Variants in SPATS1 observed in about 807,000 individuals in gnomAD.
SPATS1 encodes spermatogenesis-associated serine-rich protein 1.
A neutral mutation model predicts 33.6 loss-of-function variants in SPATS1; 23 were observed. The ratio of observed to expected loss-of-function variants is 0.68; its 90% confidence interval spans 0.49 to 0.97. The LOEUF is 0.97. Ranked by LOEUF, SPATS1 falls within the 50% of genes least tolerant of loss-of-function variation. SPATS1 has a pLI of 0.00. For missense variants in SPATS1, 327 were observed against 361.0 expected (o/e 0.91, Z 0.76); for synonymous variants, 131 against 125.6 (o/e 1.04, Z -0.29).
At chr6:44,343,012 GT>G in intron 1 of SPATS1, 83 bp from the exon 2 acceptor site, 1 of 1,558,086 alleles carries the variant, frequency 6.4e-7, no homozygotes. Flanking sequence ...TGTGGAATTT[GT>G]TTGTTTTGAC....
Position 44,361,945 on chromosome 6 carries a change from C to G in SPATS1, c.527C>G (p.Ser176Cys). The change falls in exon 5 of 9, where the codon TCT becomes TGT. Residue 176 changes from serine to cysteine, a missense_variant. Transcript: ENST00000674044. ...FNGVFLGNKRSLSERTVDKCF... is the reference protein window; with the variant it reads ...FNGVFLGNKRCLSERTVDKCF... ...GGAGTCTTCCTCGGCAACAAGAGGT[C>G]TCTATCAGAGAGGACGGTGGACAAG... 2 of 1,614,202 alleles carry G rather than the reference C, an allele frequency of 1.2e-6. No individual in the cohort carries two copies. The highest frequency in any genetic ancestry group is 1.7e-6 in the Non-Finnish European group (2 of 1,180,040).
chr6:44,379,373 G>A lies in SPATS1; in HGVS notation c.*2310G>A, dbSNP rs1790100000. Among the ~76,000 whole-genome samples the A allele has an allele frequency of 1.3e-5, 2 of 151,920 alleles. No individual in the cohort carries two copies. The highest frequency in any genetic ancestry group is 2.4e-5 in the African/African-American group (1 of 41,370). Reference sequence around the variant, plus strand: ...TGGGAGGCCGAGGCAGGCGGATCACGAGGTCAGGAGATCGAGACCATCCTG... The same window carrying A: ...TGGGAGGCCGAGGCAGGCGGATCACAAGGTCAGGAGATCGAGACCATCCTG... On this transcript the variant is annotated 3_prime_UTR_variant, in exon 9 of 9. Transcript: ENST00000674044.
At chr6:44,343,260 T>C in intron 2 of SPATS1, 26 bp downstream of exon 2, 2 of 1,601,092 alleles carry the variant, frequency 1.2e-6, no homozygotes, top group Non-Finnish European at 1.7e-6. Context: ...ATCCAGGCTG[T>C]GGAGTTGGTG....
At chr6:44,375,635 C>G (rs978856307) in intron 7 of SPATS1, among the ~76,000 whole-genome samples, 1 of 152,024 alleles carries the variant, frequency 6.6e-6, no homozygotes, top group Admixed American at 6.5e-5. Context: ...CATGGTAAAG[C>G]CCCATCTCTA....
At position 44,368,484 on chromosome 6, in the gene SPATS1, C is replaced by T; in HGVS notation, c.680C>T (p.Pro227Leu). The change falls in exon 6 of 9, where the codon CCA becomes CTA. Residue 227 changes from proline to leucine, a missense_variant. Transcript: ENST00000674044. ...CACAAAGCAGGATCAATGCTCCCAC[C>T]AGTGAATTTTTCAATGTAAGTGTAT... ...GFHKAGSMLPPVNFSIVPYEK... is the reference protein window; with the variant it reads ...GFHKAGSMLPLVNFSIVPYEK... 2 of 1,611,188 alleles carry T rather than the reference C, an allele frequency of 1.2e-6. No homozygotes were observed. Among genetic ancestry groups the T allele is most frequent in the South Asian group, 1.1e-5 (1 of 90,576 alleles).
chr6:44,361,793 G>A, intron 4 of SPATS1, 38 bp from the exon 5 acceptor site: 1 of 1,613,520 alleles, frequency 6.2e-7, no homozygotes, highest in Non-Finnish European at 8.5e-7. Flanking sequence ...TATGAGGCTG[G>A]GAACAGTGCT....
intron 3 of SPATS1, among the ~76,000 whole-genome samples, chr6:44,354,045 A>AAC (rs895296938): frequency 1.6e-4 from 24 of 150,206 alleles, no homozygotes; most frequent in South Asian, 4.2e-4. Flanking sequence ...CTCAAAAAAA[A>AAC]AAAAAAAACA....
At chr6:44,366,291 A>C (rs1373209564) in intron 5 of SPATS1, among the ~76,000 whole-genome samples, 3 of 151,654 alleles carry the variant, frequency 2.0e-5, no homozygotes, top group Non-Finnish European at 2.9e-5. Context: ...TGCCCAGCTA[A>C]TTTTGTATTT....
chr6:44,343,002 T>C, intron 1 of SPATS1, 94 bp from the exon 2 acceptor site: 1 of 1,502,338 alleles, frequency 6.7e-7, no homozygotes, highest in Non-Finnish European at 9.1e-7. Flanking sequence ...TTCGGTGGCT[T>C]GTGGAATTTG....
chr6:44,351,589 G>A lies in SPATS1; in HGVS notation c.140-1137G>A, dbSNP rs7745462. Among the ~76,000 whole-genome samples, 91 of 152,130 alleles carry A rather than the reference G, an allele frequency of 6.0e-4. 1 individual carries two copies. The highest frequency in any genetic ancestry group is 2.1e-3 in the African/African-American group (86 of 41,494). On this transcript the variant is annotated intron_variant, in intron 2 of 8. Transcript: ENST00000674044. ...AAGAAATATGCATAATCTTTTCATC[G>A]GACTTTTTATTTTTGTGGCTGGATG...
chr6:44,345,295 C>A (rs1158230588), intron 2 of SPATS1, among the ~76,000 whole-genome samples: 1 of 152,076 alleles, frequency 6.6e-6, no homozygotes, highest in Non-Finnish European at 1.5e-5. Flanking sequence ...GCCAGTTTAG[C>A]AAGAGATTGC....
At chr6:44,376,782 C>T (rs9296429) in intron 8 of SPATS1, among the ~76,000 whole-genome samples, 151,056 of 152,304 alleles carry the variant, frequency 0.99, 74,923 homozygotes, top group East Asian at 1. Context: ...GCCTGGGCAA[C>T]AGAGCGAAAC....
intron 2 of SPATS1, among the ~76,000 whole-genome samples, chr6:44,349,683 G>A (rs1274051735): frequency 6.6e-6 from 1 of 152,158 alleles, no homozygotes; most frequent in East Asian, 1.9e-4. Context: ...TACAGCATAT[G>A]CATTCAAGGC....
chr6:44,371,929 A>G (rs1789643465), intron 7 of SPATS1, among the ~76,000 whole-genome samples: 1 of 140,882 alleles, frequency 7.1e-6, no homozygotes, highest in African/African-American at 2.7e-5. Context: ...TGGGCGACAC[A>G]GCGAGACTCC....
chr6:44,365,480 T>C (rs539829762), intron 5 of SPATS1, among the ~76,000 whole-genome samples: 63 of 152,346 alleles, frequency 4.1e-4, no homozygotes, highest in Admixed American at 9.8e-4. Flanking sequence ...CCACTGTGGA[T>C]CCAGCAGCTC....
At chr6:44,369,464 T>C (rs1224451282) in intron 6 of SPATS1, among the ~76,000 whole-genome samples, 2 of 151,646 alleles carry the variant, frequency 1.3e-5, no homozygotes, top group Admixed American at 6.6e-5. Flanking sequence ...GAAGGAGAAT[T>C]ATTTGAACCT....
In SPATS1 at chr6:44,380,017, G is replaced by T. The variant is rs1037421027; in HGVS notation, c.*2954G>T. Among the ~76,000 whole-genome samples the T allele has an allele frequency of 5.3e-5, 8 of 152,064 alleles. No individual in the cohort carries two copies. Among genetic ancestry groups the T allele is most frequent in the African/African-American group, 1.9e-4 (8 of 41,380 alleles). On this transcript the variant is annotated 3_prime_UTR_variant, in exon 9 of 9. Coordinates refer to ENST00000674044, the MANE Select transcript of SPATS1 (RefSeq NM_001372081.1). ...AGCATGAGTATGTCTACGTGTGTGG[G>T]GAGACAAAGGCATAGAGAAAGGCCA...
At position 44,344,029 on chromosome 6, in the gene SPATS1, A is replaced by G. The variant is rs143273809; in HGVS notation, c.139+795A>G. 8.6e-4 allele frequency among the ~76,000 whole-genome samples: 131 copies of G among 152,294 alleles called. 1 individual carries two copies. Among genetic ancestry groups the G allele is most frequent in the Admixed American group, 1.7e-3 (26 of 15,292 alleles). On this transcript the variant is annotated intron_variant, in intron 2 of 8. Coordinates refer to ENST00000674044, the MANE Select transcript of SPATS1 (RefSeq NM_001372081.1). ...ACTCATTCCACCCAGCTATTAATAT[A>G]AGCTAGGACCGTAGAGAAGGAGGAG...
Position 44,378,911 on chromosome 6 carries a change from G to A in SPATS1, c.*1848G>A, listed in dbSNP as rs9349283. 0.16 allele frequency: 24,968 copies of A among 152,010 alleles called. 2,496 individuals are homozygous for A. Among genetic ancestry groups the A allele is most frequent in the East Asian group, 0.43 (2,236 of 5,168 alleles). The allele number at this position is 152,010 out of a possible 1,614,324, so 9.4% of individuals were successfully genotyped here. ...CTTGGGTTAACATCAGCATACATCC[G>A]TGCTAATCCTCTGGCCCCTGGGTCA... is the stretch of plus-strand genomic sequence containing the variant. On this transcript the variant is annotated 3_prime_UTR_variant, in exon 9 of 9. Coordinates refer to ENST00000674044, the MANE Select transcript of SPATS1 (RefSeq NM_001372081.1).
Sources: allele counts gnomAD v4.1 joint callset (sites outside exome capture counted in the v4.1 genomes callset), GRCh38; gene constraint gnomAD v4.1.1; transcripts MANE v1.5; gene names NCBI Gene and HGNC (gene_info 2026-07-23, HGNC 2026-07-21).